Variants in FGF12 observed in about 807,000 individuals in gnomAD.
FGF12 encodes the protein fibroblast growth factor 12B.
A neutral mutation model predicts 23.6 loss-of-function variants in FGF12; 14 were observed. The ratio of observed to expected loss-of-function variants is 0.59; its 90% CI spans 0.39 to 0.93. FGF12 has a LOEUF of 0.93. Among genes scored for constraint, FGF12 ranks in the 40% least tolerant of loss-of-function variants. The probability of loss-of-function intolerance (pLI) is 0.00; values close to 1 mark genes in which losing one functional copy is unlikely to be tolerated. For missense variants in FGF12, 175 were observed against 217.8 expected, an observed-to-expected ratio of 0.80 and a Z score of 1.24; for synonymous variants, 62 against 77.3, an observed-to-expected ratio of 0.80 and a Z score of 1.04.
intron 2 of FGF12, among the ~76,000 whole-genome samples, chr3:192,582,728 T>C (rs1239407497): frequency 2.6e-5 from 4 of 151,896 alleles, no homozygotes; most frequent in African/African-American, 7.3e-5. Flanking sequence ...ATTATGAACA[T>C]AGATATAAAG....
At chr3:192,682,848 C>T (rs1360937899) in intron 2 of FGF12, among the ~76,000 whole-genome samples, 1 of 152,130 alleles carries the variant, frequency 6.6e-6, no homozygotes, top group African/African-American at 2.4e-5. Flanking sequence ...GTTCATGTGG[C>T]CAATGACTCA....
chr3:192,384,198 C>T (rs1047428273), intron 2 of FGF12, among the ~76,000 whole-genome samples: 2 of 151,704 alleles, frequency 1.3e-5, no homozygotes, highest in African/African-American at 4.8e-5. Context: ...AGTGTAAATG[C>T]CAGATTAGAA....
chr3:192,163,676 G>T (rs1454044688), intron 5 of FGF12, among the ~76,000 whole-genome samples: 1 of 152,140 alleles, frequency 6.6e-6, no homozygotes, highest in Non-Finnish European at 1.5e-5. Flanking sequence ...CTGAGAATCT[G>T]TTAGCTTCTA....
chr3:192,617,094 C>T (rs2654705), intron 2 of FGF12, among the ~76,000 whole-genome samples: 149,253 of 152,138 alleles, frequency 0.98, 73,219 homozygotes, highest in East Asian at 1. Context: ...GAAATGAATA[C>T]GGGCTGGTCC....
intron 4 of FGF12, among the ~76,000 whole-genome samples, chr3:192,220,863 GA>G (rs1718438506): frequency 2.6e-5 from 4 of 152,302 alleles, no homozygotes; most frequent in Admixed American, 2.6e-4. Flanking sequence ...TACTGAAGAT[GA>G]TAATCTGTGA....
chr3:192,150,978 C>G (rs1205264946), intron 5 of FGF12, among the ~76,000 whole-genome samples: 1 of 146,418 alleles, frequency 6.8e-6, no homozygotes, highest in African/African-American at 2.5e-5. Flanking sequence ...TGTTTGTATC[C>G]TCTTTTATTT....
chr3:192,198,687 A>G (rs1257641994), intron 4 of FGF12, among the ~76,000 whole-genome samples: 2 of 152,226 alleles, frequency 1.3e-5, no homozygotes, highest in Non-Finnish European at 2.9e-5. Context: ...CAAATTCCTG[A>G]AATTTGTAAT....
chr3:192,429,988 T>G (rs1327544455), intron 2 of FGF12, among the ~76,000 whole-genome samples: 1 of 152,200 alleles, frequency 6.6e-6, no homozygotes, highest in East Asian at 1.9e-4. Context: ...CTATTCTATT[T>G]TAGTTAAATA....
At chr3:192,505,406 T>C (rs1293283699) in intron 2 of FGF12, among the ~76,000 whole-genome samples, 1 of 152,216 alleles carries the variant, frequency 6.6e-6, no homozygotes, top group Non-Finnish European at 1.5e-5. Flanking sequence ...TTTCAATATA[T>C]GTACCTCTTT....
intron 4 of FGF12, among the ~76,000 whole-genome samples, chr3:192,209,605 T>G (rs768909307): frequency 2.0e-5 from 3 of 152,178 alleles, no homozygotes; most frequent in Non-Finnish European, 4.4e-5. Flanking sequence ...TTTTCTAGCT[T>G]CACAAATAAT....
chr3:192,484,815 G>A (rs76210168), intron 2 of FGF12, among the ~76,000 whole-genome samples: 3,303 of 152,216 alleles, frequency 0.022, 87 homozygotes, highest in African/African-American at 0.074. Flanking sequence ...TGGTGCTCCC[G>A]GAACTGTGCA....
chr3:192,702,397 G>A (rs1436120110), intron 2 of FGF12, among the ~76,000 whole-genome samples: 5 of 152,124 alleles, frequency 3.3e-5, no homozygotes, highest in Non-Finnish European at 5.9e-5. Context: ...AATTCACCTT[G>A]AAAATATACA....
At chr3:192,296,439 G>A (rs557126388) in intron 4 of FGF12, among the ~76,000 whole-genome samples, 32 of 152,076 alleles carry the variant, frequency 2.1e-4, no homozygotes, top group African/African-American at 7.7e-4. Context: ...ACCCAGGCTG[G>A]TCTCAAACTC....
intron 2 of FGF12, among the ~76,000 whole-genome samples, chr3:192,433,608 A>C (rs943228168): frequency 3.9e-5 from 6 of 152,226 alleles, no homozygotes; most frequent in Non-Finnish European, 8.8e-5. Flanking sequence ...CTCACCTCCA[A>C]TGTGACTAAC....
chr3:192,455,822 G>T (rs142368329), intron 2 of FGF12, among the ~76,000 whole-genome samples: 73 of 152,210 alleles, frequency 4.8e-4, no homozygotes, highest in African/African-American at 1.6e-3. Flanking sequence ...ATAACCACAC[G>T]CCTCCATGAT....
At chr3:192,311,755 T>G (rs1321681533) in intron 4 of FGF12, among the ~76,000 whole-genome samples, 1 of 152,236 alleles carries the variant, frequency 6.6e-6, no homozygotes, top group Non-Finnish European at 1.5e-5. Context: ...CCATTTTACA[T>G]TCTCACTAGC....
intron 2 of FGF12, among the ~76,000 whole-genome samples, chr3:192,430,618 CCACA>C (rs1288927578): frequency 1.3e-5 from 2 of 152,286 alleles, no homozygotes; most frequent in Middle Eastern, 3.4e-3. Flanking sequence ...TAAATAGTTA[CCACA>C]CAATGTACAA....
intron 2 of FGF12, among the ~76,000 whole-genome samples, chr3:192,720,904 G>A (rs890245649): frequency 7.9e-5 from 12 of 152,114 alleles, no homozygotes; most frequent in African/African-American, 2.4e-4. Context: ...GATGTACCCC[G>A]ATTAAGACCA....
intron 3 of FGF12, among the ~76,000 whole-genome samples, chr3:192,348,207 A>G (rs1718051623): frequency 6.6e-6 from 1 of 152,200 alleles, no homozygotes; most frequent in Admixed American, 6.5e-5. Context: ...TGCTGTGCAT[A>G]CATAGTCTCA....
Sources: allele counts gnomAD v4.1 joint callset (sites outside exome capture counted in the v4.1 genomes callset), GRCh38; gene constraint gnomAD v4.1.1; transcripts MANE v1.5; gene names NCBI Gene and HGNC (gene_info 2026-07-23, HGNC 2026-07-21).